CEP162: variants seen among roughly 807,000 people sequenced by gnomAD.
The protein encoded by CEP162 is centrosomal protein 162, also known as centrosomal protein of 162 kDa.
A neutral mutation model predicts 169.2 loss-of-function variants in CEP162; 141 were observed. The observed-to-expected ratio is 0.83, with a 90% CI of 0.73 to 0.96. The LOEUF (loss-of-function observed/expected upper bound fraction) is 0.96. Among genes scored for constraint, CEP162 ranks in the 40% least tolerant of loss-of-function variants. CEP162 has a pLI of 0.00. For missense variants in CEP162, 1,600 were observed against 1,587.2 expected (o/e 1.01, Z -0.14); for synonymous variants, 540 against 526.4 (o/e 1.03, Z -0.35).
chr6:84,170,911 G>A (rs985707126), intron 17 of CEP162, among the ~76,000 whole-genome samples: 1 of 152,238 alleles, frequency 6.6e-6, no homozygotes, highest in East Asian at 1.9e-4. Flanking sequence ...ACTTACAGGT[G>A]CTCCTTTAAA....
intron 23 of CEP162, among the ~76,000 whole-genome samples, chr6:84,152,208 A>G (rs762089914): frequency 4.6e-5 from 7 of 152,214 alleles, no homozygotes; most frequent in Non-Finnish European, 8.8e-5. Flanking sequence ...CAATCTGTCT[A>G]TAGCAATAAT....
intron 19 of CEP162, 35 bp from the exon 20 acceptor site, chr6:84,161,944 G>A (rs750725519): frequency 2.3e-6 from 3 of 1,288,322 alleles, no homozygotes; most frequent in Non-Finnish European, 3.2e-6. Context: ...CCTGCTTGTT[G>A]TTCTCCAAAA....
At chr6:84,139,616 G>T (rs2099515672) in intron 25 of CEP162, among the ~76,000 whole-genome samples, 2 of 152,130 alleles carry the variant, frequency 1.3e-5, no homozygotes, top group South Asian at 4.1e-4. Context: ...GCAGAAGCTG[G>T]TAAAAGGTAA....
chr6:84,196,829 G>A (rs957320405), intron 9 of CEP162, among the ~76,000 whole-genome samples: 3 of 152,148 alleles, frequency 2.0e-5, no homozygotes, highest in African/African-American at 7.2e-5. Flanking sequence ...TTTCTAGCTA[G>A]TGCTTCAGGT....
At chr6:84,215,646 C>T in intron 4 of CEP162, 130 bp downstream of exon 4, 1 of 1,288,452 alleles carries the variant, frequency 7.8e-7, no homozygotes, top group Non-Finnish European at 1.0e-6. Context: ...TAGAATAATT[C>T]TAAACCTCTA....
rs115264940 is a variant in CEP162 at position 84,208,518 on chromosome 6, C to T, written c.572-4422G>A. On this transcript the variant is annotated intron_variant, in intron 6 of 26. Coordinates refer to ENST00000403245, the MANE Select transcript of CEP162 (RefSeq NM_014895.4). ...TCTTTTGTTAGAATGAAGACGAAGACGACAACTTGTGTGTAATTAATACTG... is the reference window on the plus strand; with the variant it reads ...TCTTTTGTTAGAATGAAGACGAAGATGACAACTTGTGTGTAATTAATACTG... Among the ~76,000 whole-genome samples, 460 of 152,210 alleles carry T rather than the reference C, an allele frequency of 3.0e-3. 2 individuals carry two copies. Among genetic ancestry groups the T allele is most frequent in the African/African-American group, 9.9e-3 (411 of 41,520 alleles).
rs1478418103 is a variant in CEP162 at position 84,125,071 on chromosome 6, T to C, written c.4211A>G (p.Ter1404=). Reference sequence around the variant, plus strand: ...GTCATTATGAAATCTGAATTTCTATTAATACTCTGGTGCATTCATTTCATC... The same window carrying C: ...GTCATTATGAAATCTGAATTTCTATCAATACTCTGGTGCATTCATTTCATC... ...FADEMNAPEY[*] Residue 1404 remains the stop codon, a stop_retained_variant, in exon 27 of 27, where the codon TAA becomes TGA. Coordinates refer to ENST00000403245, the MANE Select transcript of CEP162 (RefSeq NM_014895.4). 1.2e-6 allele frequency: 2 copies of C among 1,609,518 alleles called. No individual in the cohort carries two copies. The highest frequency in any genetic ancestry group is 1.7e-6 in the Non-Finnish European group (2 of 1,176,700).
intron 12 of CEP162, among the ~76,000 whole-genome samples, chr6:84,186,042 A>G (rs561753354): frequency 1.3e-5 from 2 of 152,248 alleles, no homozygotes; most frequent in African/African-American, 4.8e-5. Flanking sequence ...AATGATGAAT[A>G]AACTTTTTCT....
chr6:84,217,677 T>C (rs578104945), intron 3 of CEP162: 6 of 152,522 alleles, frequency 3.9e-5, no homozygotes, highest in African/African-American at 1.4e-4. Flanking sequence ...GTGGCTATGA[T>C]GTGGCAGGCA....
chr6:84,215,402 T>C lies in CEP162; in HGVS notation c.383A>G (p.Gln128Arg). The change falls in exon 5 of 27, where the codon CAA becomes CGA. Residue 128 changes from glutamine (Q) to arginine (R), a missense_variant. Physicochemically the swap from Gln to Arg is conservative, Grantham distance 43 (BLOSUM62 1). Transcript: ENST00000403245. The part of the protein sequence containing the change: ...LGVGLDTLEE[Q>R]EEKEQFFARL... ...GGCAAAAAATTGTTCTTTCTCCTCT[T>C]GTTCTTCTAATGTGTCCAATCCCAC... 6.2e-7 allele frequency: 1 copy of C among 1,611,072 alleles called. No homozygotes were observed. The highest frequency in any genetic ancestry group is 1.3e-5 in the African/African-American group (1 of 75,032).
chr6:84,175,544 T>G (rs894209877), intron 13 of CEP162, among the ~76,000 whole-genome samples, 197 bp from the exon 14 acceptor site: 1 of 152,182 alleles, frequency 6.6e-6, no homozygotes, highest in Admixed American at 6.5e-5. Context: ...ATAATCAACA[T>G]TCTACTAAAT....
chr6:84,164,446 A>G (rs2099526984), intron 18 of CEP162, among the ~76,000 whole-genome samples: 1 of 152,218 alleles, frequency 6.6e-6, no homozygotes, highest in South Asian at 2.1e-4. Context: ...CTTGGAACCA[A>G]CCCAAATGCC....
Position 84,152,621 on chromosome 6 carries a change from C to A in CEP162, c.3553G>T (p.Gly1185Ter). The change falls in exon 23 of 27, where the codon GGA (glycine) becomes TGA (stop). Residue 1185 changes from glycine to a stop codon, truncating the protein, a stop_gained. Transcript: ENST00000403245. LOFTEE classifies it high-confidence loss of function. ...ENYRLKNELE[G>*]LISEKNELKM... Reference sequence around the variant, plus strand: ...AGTTCATTCTTCTCTGAAATTAATCCTTCTAGCTCATTTTTTAATCTGTAG... The same window carrying A: ...AGTTCATTCTTCTCTGAAATTAATCATTCTAGCTCATTTTTTAATCTGTAG... 6.4e-7 allele frequency: 1 copy of A among 1,574,394 alleles called. No individual in the cohort carries two copies. The highest frequency in any genetic ancestry group is 2.3e-5 in the East Asian group (1 of 43,420).
intron 3 of CEP162, chr6:84,217,863 G>A (rs1195003745): frequency 6.6e-6 from 1 of 152,198 alleles, no homozygotes; most frequent in Non-Finnish European, 1.5e-5. Context: ...GTAGATAACT[G>A]CAACAAAGAG....
At chr6:84,158,050 G>A (rs1185796240) in intron 21 of CEP162, among the ~76,000 whole-genome samples, 4 of 152,168 alleles carry the variant, frequency 2.6e-5, no homozygotes, top group Admixed American at 2.6e-4. Context: ...ACACACCAGG[G>A]TCCACAGAAA....
In CEP162 at chr6:84,161,859, T is replaced by C. The variant is rs2099525915; in HGVS notation, c.2563A>G (p.Ile855Val). The part of the protein sequence containing the change: ...KILEETHKQE[I>V]SRLQKRLQWY... ...TGTAATCTTTTTTGCAGACGACTGA[T>C]TTCTTGTTTATGTGTTTCTTCTAAA... Residue 855 changes from isoleucine (I) to valine (V), a missense_variant, in exon 20 of 27, where the codon ATC becomes GTC. Physicochemically the swap from Ile to Val is conservative, Grantham distance 29. Transcript: ENST00000403245. 3.8e-6 allele frequency: 6 copies of C among 1,580,058 alleles called. No individual in the cohort carries two copies. The South Asian group carries it at 5.7e-5, about 15-fold the overall frequency.
chr6:84,213,943 C>A (rs953014777), intron 5 of CEP162, among the ~76,000 whole-genome samples: 13 of 152,126 alleles, frequency 8.5e-5, no homozygotes, highest in Admixed American at 7.9e-4. Context: ...GGTAACATTT[C>A]CGACCAAACA....
intron 9 of CEP162, among the ~76,000 whole-genome samples, chr6:84,197,541 A>T (rs1267835001): frequency 1.3e-5 from 2 of 152,088 alleles, no homozygotes; most frequent in Non-Finnish European, 2.9e-5. Flanking sequence ...GGCTAGGCAC[A>T]GTGGCTCACG....
intron 13 of CEP162, 82 bp from the exon 14 acceptor site, chr6:84,175,429 A>T: frequency 1.0e-6 from 1 of 993,018 alleles, no homozygotes; most frequent in Non-Finnish European, 1.5e-6. Context: ...ATAACTAAAA[A>T]TACAATGGAA....
Sources: gnomAD v4.1 joint callset for allele counts (sites outside exome capture counted in the v4.1 genomes callset) on GRCh38, gnomAD v4.1.1 for gene constraint, MANE v1.5 for transcripts, NCBI Gene and HGNC (gene_info 2026-07-23, HGNC 2026-07-21) for gene names.